ASTN2: variants seen among roughly 807,000 people sequenced by gnomAD.
ASTN2 encodes the protein astrotactin-2.
ASTN2 carries 54 observed loss-of-function variants against 139.8 expected under a neutral mutation model. That is an observed-to-expected ratio of 0.39 (90% CI 0.31 to 0.48). ASTN2 has a LOEUF of 0.48. Ranked by LOEUF, ASTN2 falls within the 20% of genes least tolerant of loss-of-function variation. ASTN2 has a pLI of 0.95. For missense variants in ASTN2, 1,565 were observed against 1,725.1 expected (o/e 0.91, Z 1.64); for synonymous variants, 756 against 719.5 (o/e 1.05, Z -0.81).
At chr9:116,908,046 C>T (rs960164970) in intron 10 of ASTN2, among the ~76,000 whole-genome samples, 1 of 152,150 alleles carries the variant, frequency 6.6e-6, no homozygotes, top group Non-Finnish European at 1.5e-5. Flanking sequence ...GGATCTCTGG[C>T]TCTGGAATCT....
intron 19 of ASTN2, among the ~76,000 whole-genome samples, chr9:116,560,833 CT>C (rs1206881413): frequency 2.6e-5 from 4 of 152,076 alleles, no homozygotes; most frequent in Non-Finnish European, 2.9e-5. Flanking sequence ...ATATTTGTGT[CT>C]GGAAGGGAGG....
chr9:117,068,955 A>C, intron 5 of ASTN2, among the ~76,000 whole-genome samples: 1 of 101,310 alleles, frequency 9.9e-6, no homozygotes, highest in Non-Finnish European at 2.0e-5. Flanking sequence ...CTTTCAAAAA[A>C]CCAGCTCCTG....
At chr9:117,309,276 C>A (rs1827890387) in intron 1 of ASTN2, among the ~76,000 whole-genome samples, 1 of 152,182 alleles carries the variant, frequency 6.6e-6, no homozygotes, top group Non-Finnish European at 1.5e-5. Flanking sequence ...CTGGCTGCAT[C>A]TACTACTTAT....
At chr9:117,088,072 T>C in intron 5 of ASTN2, among the ~76,000 whole-genome samples, 1 of 152,206 alleles carries the variant, frequency 6.6e-6, no homozygotes, top group South Asian at 2.1e-4. Flanking sequence ...CTCTGAGCCT[T>C]GGTTTTTATG....
chr9:116,499,787 G>A (rs1340687160), intron 19 of ASTN2, among the ~76,000 whole-genome samples: 1 of 152,142 alleles, frequency 6.6e-6, no homozygotes, highest in Non-Finnish European at 1.5e-5. Context: ...GCAATCCCAT[G>A]AGGCCACTGG....
At chr9:116,997,469 G>A (rs1224849048) in intron 7 of ASTN2, among the ~76,000 whole-genome samples, 1 of 152,064 alleles carries the variant, frequency 6.6e-6, no homozygotes, top group African/African-American at 2.4e-5. Flanking sequence ...ATTCAATTCA[G>A]TATTTTTGTT....
rs190968206 is a variant in ASTN2, at chr9:117,014,478, T to C, written c.1424-6219A>G. Among the ~76,000 whole-genome samples the C allele has an allele frequency of 1.9e-3, 284 of 152,236 alleles. 3 individuals carry two copies. Among genetic ancestry groups the C allele is most frequent in the Non-Finnish European group, 2.8e-3 (193 of 67,996 alleles). On this transcript the variant is annotated intron_variant, in intron 6 of 22. Transcript: ENST00000313400. The stretch of plus-strand genomic sequence containing the variant: ...CTACAAGGATCTTCAAGAGTCCTCC[T>C]CCGGTTATCTCTGTCTTCACTTCCT...
chr9:116,769,542 G>A (rs1829901787), intron 13 of ASTN2, among the ~76,000 whole-genome samples: 1 of 152,144 alleles, frequency 6.6e-6, no homozygotes, highest in South Asian at 2.1e-4. Context: ...GAGAGAGGAA[G>A]ATACTTAAGT....
chr9:117,287,319 G>A (rs993347233), intron 2 of ASTN2, among the ~76,000 whole-genome samples: 1 of 152,186 alleles, frequency 6.6e-6, no homozygotes, highest in Non-Finnish European at 1.5e-5. Flanking sequence ...TGATTTCCAA[G>A]TCATAAACCC....
intron 5 of ASTN2, among the ~76,000 whole-genome samples, 177 bp from the exon 6 acceptor site, chr9:117,040,142 G>T (rs1838513481): frequency 6.6e-6 from 1 of 152,172 alleles, no homozygotes; most frequent in Non-Finnish European, 1.5e-5. Context: ...GGCCTTCTTT[G>T]GGCCTTGATT....
At chr9:116,786,497 T>C (rs1830382439) in intron 13 of ASTN2, among the ~76,000 whole-genome samples, 1 of 152,208 alleles carries the variant, frequency 6.6e-6, no homozygotes, top group South Asian at 2.1e-4. Context: ...CAGTGTGTCA[T>C]TGTTATCTGG....
intron 2 of ASTN2, among the ~76,000 whole-genome samples, chr9:117,253,126 C>A (rs1039668288): frequency 2.0e-5 from 3 of 152,154 alleles, no homozygotes; most frequent in African/African-American, 7.2e-5. Context: ...AAGGTCAGAG[C>A]CCCTGGTCAT....
chr9:116,486,790 C>T (rs186602220), intron 20 of ASTN2, among the ~76,000 whole-genome samples: 1 of 152,286 alleles, frequency 6.6e-6, no homozygotes, highest in East Asian at 1.9e-4. Context: ...GAGTGACTGC[C>T]TCTTGCATCT....
intron 1 of ASTN2, among the ~76,000 whole-genome samples, chr9:117,315,934 T>C (rs1318186455): frequency 1.3e-5 from 2 of 152,216 alleles, no homozygotes; most frequent in Non-Finnish European, 2.9e-5. Flanking sequence ...ATGGTAGTCA[T>C]AATAGGCAAC....
chr9:116,514,003 C>CA (rs1850526770), intron 19 of ASTN2, among the ~76,000 whole-genome samples: 2 of 151,706 alleles, frequency 1.3e-5, no homozygotes, highest in Non-Finnish European at 2.9e-5. Context: ...CTCAACTCCT[C>CA]AAAGTCTTTC....
At chr9:117,075,459 G>A (rs943971733) in intron 5 of ASTN2, among the ~76,000 whole-genome samples, 42 of 148,286 alleles carry the variant, frequency 2.8e-4, no homozygotes, top group African/African-American at 1.0e-3. Flanking sequence ...AGGACCCATC[G>A]ACTAGAGTCT....
At chr9:116,962,933 C>T (rs1835911207) in intron 10 of ASTN2, among the ~76,000 whole-genome samples, 1 of 152,112 alleles carries the variant, frequency 6.6e-6, no homozygotes, top group African/African-American at 2.4e-5. Context: ...ACAAGCAGAG[C>T]CACATAAAAT....
Position 116,440,685 on chromosome 9 carries a change from C to T in ASTN2, c.3706G>A (p.Val1236Ile), listed in dbSNP as rs1847814140. 1 of 1,614,152 alleles carries T rather than the reference C, an allele frequency of 6.2e-7. No homozygotes were observed. Among genetic ancestry groups the T allele is most frequent in the South Asian group, 1.1e-5 (1 of 91,078 alleles). ...TAGTGAGAGTTGTAGTGGTGCTGGA[C>T]TCGGAACAGCATCGAGGCTGAGACC... is the stretch of plus-strand genomic sequence containing the variant. ...MEVSASMLFR[V>I]QHHYNSHYEK... The change falls in exon 22 of 23, where the codon GTC (valine) becomes ATC (isoleucine). Residue 1236 changes from valine to isoleucine, a missense_variant. Coordinates refer to ENST00000313400, the MANE Select transcript of ASTN2 (RefSeq NM_001365068.1).
At chr9:117,178,438 C>T (rs1006244007) in intron 3 of ASTN2, among the ~76,000 whole-genome samples, 3 of 152,036 alleles carry the variant, frequency 2.0e-5, no homozygotes, top group African/African-American at 7.2e-5. Context: ...ATCTGTGTGC[C>T]CAGTTTTGAA....
Sources: allele counts gnomAD v4.1 joint callset (sites outside exome capture counted in the v4.1 genomes callset), GRCh38; gene constraint gnomAD v4.1.1; transcripts MANE v1.5; gene names NCBI Gene and HGNC (gene_info 2026-07-23, HGNC 2026-07-21).